MARCHF1: variants seen among roughly 807,000 people sequenced by gnomAD.
MARCHF1 encodes E3 ubiquitin-protein ligase MARCHF1.
MARCHF1 carries 40 observed loss-of-function variants against 54.2 expected under a neutral mutation model. The ratio of observed to expected loss-of-function variants is 0.74; its 90% CI spans 0.57 to 0.96. MARCHF1 has a LOEUF of 0.96. Ranked by LOEUF, MARCHF1 falls within the 40% of genes least tolerant of loss-of-function variation. MARCHF1 has a pLI of 0.00. For synonymous variants in MARCHF1, 236 were observed against 236.3 expected (o/e 1.00, Z 0.01); for missense variants, 586 against 656.5 (o/e 0.89, Z 1.17).
intron 5 of MARCHF1, among the ~76,000 whole-genome samples, chr4:163,649,736 G>A (rs1742898620): frequency 6.7e-6 from 1 of 150,062 alleles, no homozygotes; most frequent in Admixed American, 6.7e-5. Flanking sequence ...ATGATACCCT[G>A]TGGAGTCTCT....
At chr4:164,188,170 C>G (rs1579606447) in intron 1 of MARCHF1, 1 of 158,726 alleles carries the variant, frequency 6.3e-6, no homozygotes, top group Non-Finnish European at 1.4e-5. Flanking sequence ...TTTCTCTCTG[C>G]TTTTGCCACG....
At chr4:163,992,795 T>G (rs1460785301) in intron 2 of MARCHF1, among the ~76,000 whole-genome samples, 8 of 149,032 alleles carry the variant, frequency 5.4e-5, no homozygotes, top group Non-Finnish European at 8.9e-5. Flanking sequence ...TATTTTATAT[T>G]TATATTTATA....
chr4:164,231,762 T>C (rs1481657137), intron 1 of MARCHF1, among the ~76,000 whole-genome samples: 1 of 152,124 alleles, frequency 6.6e-6, no homozygotes. Context: ...GCATTCTCTC[T>C]ATATACTTTT....
chr4:164,239,636 A>T (rs1402781270), intron 1 of MARCHF1, among the ~76,000 whole-genome samples: 2 of 152,102 alleles, frequency 1.3e-5, no homozygotes, highest in Non-Finnish European at 2.9e-5. Flanking sequence ...TTTTGACAAA[A>T]TTTGAAAATG....
At chr4:163,771,987 A>G (rs181824044) in intron 4 of MARCHF1, among the ~76,000 whole-genome samples, 1 of 152,258 alleles carries the variant, frequency 6.6e-6, no homozygotes, top group East Asian at 1.9e-4. Context: ...TTCTAGTTGA[A>G]TTTCATGAAT....
At chr4:164,382,370 C>G (rs1731394165) in intron 1 of MARCHF1, among the ~76,000 whole-genome samples, 1 of 151,794 alleles carries the variant, frequency 6.6e-6, no homozygotes, top group Non-Finnish European at 1.5e-5. Context: ...ATAAAATAAC[C>G]CTTTGAATTA....
At chr4:164,019,574 A>T (rs561593065) in intron 2 of MARCHF1, among the ~76,000 whole-genome samples, 1 of 152,334 alleles carries the variant, frequency 6.6e-6, no homozygotes, top group South Asian at 2.1e-4. Flanking sequence ...ATGACGTGAA[A>T]TTAATTACTG....
At chr4:163,717,141 C>T (rs1745287405) in intron 4 of MARCHF1, among the ~76,000 whole-genome samples, 1 of 110,508 alleles carries the variant, frequency 9.0e-6, no homozygotes. Context: ...TGCTATCCCT[C>T]CCCCCTCCCC....
chr4:163,950,301 AG>A (rs1180036069), intron 3 of MARCHF1, among the ~76,000 whole-genome samples: 2 of 152,142 alleles, frequency 1.3e-5, no homozygotes. Context: ...CAAAGTCCAG[AG>A]GGGGCCAAGG....
intron 4 of MARCHF1, among the ~76,000 whole-genome samples, chr4:163,782,209 GGAA>G (rs35030197): frequency 0.79 from 120,653 of 151,874 alleles, 49,838 homozygotes; most frequent in East Asian, 0.94. Flanking sequence ...GAATTGGATA[GGAA>G]GAAGCACAAG....
chr4:163,621,223 T>C (rs1054642875), intron 5 of MARCHF1, among the ~76,000 whole-genome samples: 4 of 152,186 alleles, frequency 2.6e-5, no homozygotes, highest in Non-Finnish European at 4.4e-5. Context: ...ACACATGAAC[T>C]CAATGGTATT....
At chr4:164,223,993 A>C (rs1242423893) in intron 1 of MARCHF1, among the ~76,000 whole-genome samples, 1 of 148,946 alleles carries the variant, frequency 6.7e-6, no homozygotes, top group Non-Finnish European at 1.5e-5. Context: ...ATTCCAGTTC[A>C]GGAAATTTTA....
intron 5 of MARCHF1, among the ~76,000 whole-genome samples, chr4:163,627,144 T>TAATTATA (rs1171186243): frequency 1.3e-5 from 2 of 152,228 alleles, no homozygotes; most frequent in African/African-American, 4.8e-5. Flanking sequence ...TATACTATTA[T>TAATTATA]CTCATTTATA....
chr4:163,636,028 T>C (rs918825247), intron 5 of MARCHF1, among the ~76,000 whole-genome samples: 2 of 152,160 alleles, frequency 1.3e-5, no homozygotes, highest in Non-Finnish European at 2.9e-5. Context: ...GAAAAGGCCT[T>C]TGACAAAATT....
In MARCHF1 at chr4:163,612,645, C is replaced by A; in HGVS notation, c.636G>T (p.Leu212=). Residue 212 remains leucine (L), a synonymous_variant, in exon 7 of 10, where the codon CTG becomes CTT. Transcript: ENST00000514618. ...STPNGIELVD[L]GSKGKEQQEL... ...CTTGTTGCTCTTTACCTTTGGATCC[C>A]AGATCAACGAGCTCAATTCCGTTAG... is the stretch of plus-strand genomic sequence containing the variant. The A allele has an allele frequency of 6.5e-7, 1 of 1,535,556 alleles. No individual in the cohort carries two copies. The highest frequency in any genetic ancestry group is 8.7e-7 in the Non-Finnish European group (1 of 1,146,540).
chr4:163,537,559 G>A (rs1048344946), intron 9 of MARCHF1, among the ~76,000 whole-genome samples: 7 of 152,154 alleles, frequency 4.6e-5, no homozygotes, highest in Non-Finnish European at 8.8e-5. Flanking sequence ...TGAGGCCCAA[G>A]AACCCATCTC....
At chr4:164,211,784 A>G (rs938620368) in intron 1 of MARCHF1, among the ~76,000 whole-genome samples, 11 of 152,080 alleles carry the variant, frequency 7.2e-5, no homozygotes, top group Non-Finnish European at 1.6e-4. Context: ...AAAAGAAGCA[A>G]GCAGAGATGA....
intron 2 of MARCHF1, among the ~76,000 whole-genome samples, chr4:163,991,663 G>T (rs4691946): frequency 0.98 from 148,523 of 152,312 alleles, 72,530 homozygotes; most frequent in East Asian, 1. Context: ...ATTCAGCTCA[G>T]CTGCATCTAC....
At chr4:163,578,262 T>C (rs149786966) in intron 8 of MARCHF1, among the ~76,000 whole-genome samples, 1 of 152,248 alleles carries the variant, frequency 6.6e-6, no homozygotes, top group African/African-American at 2.4e-5. Flanking sequence ...AGTTAAGCAT[T>C]TCCTATTATA....
Sources: gnomAD v4.1 joint callset for allele counts (sites outside exome capture counted in the v4.1 genomes callset) on GRCh38, gnomAD v4.1.1 for gene constraint, MANE v1.5 for transcripts, NCBI Gene and HGNC (gene_info 2026-07-23, HGNC 2026-07-21) for gene names.